Variants in GALNT17 observed in about 807,000 individuals in gnomAD.
GALNT17 encodes the protein UDP-GalNAc:polypeptide N-acetylgalactosaminyltransferase-like 3.
GALNT17 carries 29 observed loss-of-function variants against 63.7 expected under a neutral mutation model. The ratio of observed to expected loss-of-function variants is 0.46; its 90% CI spans 0.34 to 0.62. GALNT17 has a LOEUF of 0.62. Among genes scored for constraint, GALNT17 ranks in the 20% least tolerant of loss-of-function variants. GALNT17 has a pLI of 0.01. For synonymous variants in GALNT17, 305 were observed against 318.3 expected (o/e 0.96, Z 0.45); for missense variants, 603 against 799.6 (o/e 0.75, Z 2.97).
chr7:71,484,590 T>C (rs1031905775), intron 5 of GALNT17, among the ~76,000 whole-genome samples: 9 of 152,118 alleles, frequency 5.9e-5, no homozygotes, highest in African/African-American at 2.2e-4. Flanking sequence ...GAGTAATGCA[T>C]TGTGCTATGA....
intron 1 of GALNT17, among the ~76,000 whole-genome samples, chr7:71,310,713 C>G (rs955386373): frequency 1.6e-4 from 25 of 152,176 alleles, no homozygotes; most frequent in African/African-American, 5.8e-4. Context: ...AAAGATGAAT[C>G]CTTCCAGAAT....
intron 6 of GALNT17, among the ~76,000 whole-genome samples, chr7:71,610,934 C>T (rs950790888): frequency 1.4e-5 from 2 of 146,966 alleles, no homozygotes; most frequent in South Asian, 2.2e-4. Context: ...TGCAGTGAGC[C>T]GAGATCACGC....
At position 71,453,538 on chromosome 7, in the gene GALNT17, G is replaced by A. The variant is rs147118334; in HGVS notation, c.962+32433G>A. Among the ~76,000 whole-genome samples the A allele has an allele frequency of 6.0e-4, 91 of 152,226 alleles. No homozygotes were observed. The East Asian group carries it at 8.7e-3, about 15-fold the overall frequency. ...TTCACTACCATGAGAGCAGGTTGGG[G>A]GAAACTTCCCCCATGATTTAATTAC... On this transcript the variant is annotated intron_variant, in intron 5 of 10. Transcript: ENST00000333538.
At chr7:71,326,579 T>C (rs1791709106) in intron 1 of GALNT17, among the ~76,000 whole-genome samples, 1 of 152,366 alleles carries the variant, frequency 6.6e-6, no homozygotes, top group South Asian at 2.1e-4. Flanking sequence ...TTTTATTGCA[T>C]TTAGTAAAAT....
chr7:71,438,356 C>T (rs555040450), intron 5 of GALNT17, among the ~76,000 whole-genome samples: 1 of 152,270 alleles, frequency 6.6e-6, no homozygotes, highest in Admixed American at 6.5e-5. Context: ...CGTTTTTCTG[C>T]CTGCTTTATA....
chr7:71,208,124 A>T (rs930728719), intron 1 of GALNT17, among the ~76,000 whole-genome samples: 1 of 151,774 alleles, frequency 6.6e-6, no homozygotes, highest in African/African-American at 2.4e-5. Context: ...TTTTGAAGAG[A>T]TGGGTTTTCT....
chr7:71,435,384 A>G (rs1030770391), intron 5 of GALNT17, among the ~76,000 whole-genome samples: 1 of 152,084 alleles, frequency 6.6e-6, no homozygotes, highest in East Asian at 1.9e-4. Flanking sequence ...CCCAAAACAA[A>G]CCTCCTCTTG....
chr7:71,513,601 G>A (rs920024834), intron 5 of GALNT17, among the ~76,000 whole-genome samples: 2 of 152,038 alleles, frequency 1.3e-5, no homozygotes, highest in South Asian at 2.1e-4. Context: ...GGCCAGGCTC[G>A]TCTCTAACTC....
chr7:71,539,195 G>C (rs1239274989), intron 5 of GALNT17, among the ~76,000 whole-genome samples: 2 of 152,158 alleles, frequency 1.3e-5, no homozygotes, highest in Non-Finnish European at 2.9e-5. Context: ...GCCTCCCAAA[G>C]TGCTGGCATT....
chr7:71,179,099 C>T (rs1636478), intron 1 of GALNT17, among the ~76,000 whole-genome samples: 40,057 of 152,088 alleles, frequency 0.26, 9,804 homozygotes, highest in African/African-American at 0.66. Flanking sequence ...CCCTGGGTCC[C>T]CAAAATCCCT....
intron 2 of GALNT17, among the ~76,000 whole-genome samples, chr7:71,360,929 C>T (rs1471707523): frequency 2.0e-5 from 3 of 152,158 alleles, no homozygotes; most frequent in Non-Finnish European, 2.9e-5. Context: ...CAGAACAAGA[C>T]GCCTTGCTCC....
chr7:71,336,767 CT>C (rs1791916135), intron 2 of GALNT17, among the ~76,000 whole-genome samples: 1 of 152,294 alleles, frequency 6.6e-6, no homozygotes, highest in African/African-American at 2.4e-5. Context: ...GATTCCATTT[CT>C]TTGCTACAGT....
intron 5 of GALNT17, among the ~76,000 whole-genome samples, chr7:71,513,681 C>T (rs1182100296): frequency 3.3e-5 from 5 of 151,894 alleles, no homozygotes; most frequent in African/African-American, 7.3e-5. Context: ...CCACTGCTCC[C>T]GGCCCCTTGG....
At chr7:71,368,074 G>A (rs1008290581) in intron 2 of GALNT17, among the ~76,000 whole-genome samples, 1 of 151,266 alleles carries the variant, frequency 6.6e-6, no homozygotes, top group African/African-American at 2.5e-5. Context: ...GCCGTGGGAG[G>A]AGCCGAAGAA....
At chr7:71,176,597 T>A (rs1788643106) in intron 1 of GALNT17, among the ~76,000 whole-genome samples, 1 of 152,122 alleles carries the variant, frequency 6.6e-6, no homozygotes, top group African/African-American at 2.4e-5. Context: ...GTTCATGAAC[T>A]ACAAACCCAC....
intron 1 of GALNT17, among the ~76,000 whole-genome samples, chr7:71,325,297 CCT>C (rs1221774756): frequency 4.6e-5 from 7 of 152,148 alleles, no homozygotes; most frequent in African/African-American, 1.7e-4. Context: ...AGGGCTCTGG[CCT>C]CTCTGCAGAA....
At chr7:71,172,136 G>T (rs566971313) in intron 1 of GALNT17, among the ~76,000 whole-genome samples, 3 of 152,280 alleles carry the variant, frequency 2.0e-5, no homozygotes, top group African/African-American at 7.2e-5. Context: ...GGGCGAAGAA[G>T]TGAGAAGGAG....
intron 1 of GALNT17, among the ~76,000 whole-genome samples, chr7:71,217,579 C>T (rs1214031796): frequency 6.6e-6 from 1 of 151,866 alleles, no homozygotes; most frequent in Non-Finnish European, 1.5e-5. Context: ...AAGTCATGCC[C>T]TCCTTTTTAT....
chr7:71,654,160 CA>C (rs1265481384), intron 6 of GALNT17, among the ~76,000 whole-genome samples: 1 of 152,116 alleles, frequency 6.6e-6, no homozygotes, highest in Non-Finnish European at 1.5e-5. Context: ...GGATTACAAG[CA>C]CCTGCCACCA....
Sources: allele counts gnomAD v4.1 joint callset (sites outside exome capture counted in the v4.1 genomes callset), GRCh38; gene constraint gnomAD v4.1.1; transcripts MANE v1.5; gene names NCBI Gene and HGNC (gene_info 2026-07-23, HGNC 2026-07-21).